The following COX7B2 variants were observed in gnomAD, a reference collection of about 807,000 sequenced individuals.
The protein encoded by COX7B2 is cytochrome c oxidase subunit 7B2.
For synonymous variants in COX7B2, 37 were observed against 32.1 expected, an observed-to-expected ratio of 1.15 and a Z score of -0.51; for missense variants, 109 against 95.9, an observed-to-expected ratio of 1.14 and a Z score of -0.57.
At chr4:46,836,647 T>G (rs556818053) in intron 2 of COX7B2, among the ~76,000 whole-genome samples, 1 of 151,778 alleles carries the variant, frequency 6.6e-6, no homozygotes, top group Non-Finnish European at 1.5e-5. Context: ...CATAGTAGAG[T>G]GAACATATAA....
At chr4:46,754,728 G>GTGTATATATATATATATATATATGTATA (rs1333586285) in intron 2 of COX7B2, among the ~76,000 whole-genome samples, 1 of 39,866 alleles carries the variant, frequency 2.5e-5, no homozygotes, top group Admixed American at 4.5e-4. Flanking sequence ...GTGTGTGTGT[G>GTGTATATATATATATATATATATGTATA]TATATATATA....
intron 2 of COX7B2, among the ~76,000 whole-genome samples, chr4:46,815,705 T>C (rs1250013772): frequency 6.6e-6 from 1 of 152,238 alleles, no homozygotes; most frequent in Non-Finnish European, 1.5e-5. Flanking sequence ...GGGGAATATG[T>C]AATCCTTTTA....
intron 2 of COX7B2, among the ~76,000 whole-genome samples, chr4:46,840,956 T>C (rs978609126): frequency 6.6e-6 from 1 of 151,964 alleles, no homozygotes; most frequent in African/African-American, 2.4e-5. Flanking sequence ...GTCACTGACA[T>C]ACGGAGTTGG....
chr4:46,898,686 A>G (rs1335930054), intron 1 of COX7B2, among the ~76,000 whole-genome samples: 1 of 152,074 alleles, frequency 6.6e-6, no homozygotes, highest in Non-Finnish European at 1.5e-5. Flanking sequence ...CACCCTCCCA[A>G]AATGCTGGGA....
chr4:46,867,698 A>T (rs1343217254), intron 1 of COX7B2, among the ~76,000 whole-genome samples: 2 of 152,346 alleles, frequency 1.3e-5, no homozygotes, highest in Middle Eastern at 3.4e-3. Flanking sequence ...GCTTATGCTG[A>T]ACCAACATTG....
intron 1 of COX7B2, among the ~76,000 whole-genome samples, chr4:46,901,727 G>C (rs1720081284): frequency 1.3e-5 from 2 of 152,210 alleles, no homozygotes; most frequent in African/African-American, 4.8e-5. Flanking sequence ...AAATGGCAGA[G>C]AAGGGTGAGC....
intron 1 of COX7B2, among the ~76,000 whole-genome samples, chr4:46,858,198 A>C (rs561956359): frequency 3.3e-5 from 5 of 152,016 alleles, no homozygotes; most frequent in Admixed American, 3.3e-4. Flanking sequence ...GGTTCAAGAG[A>C]TTCTCCCACC....
At chr4:46,815,753 G>C (rs576390535) in intron 2 of COX7B2, among the ~76,000 whole-genome samples, 2 of 152,078 alleles carry the variant, frequency 1.3e-5, no homozygotes, top group Non-Finnish European at 2.9e-5. Context: ...AGTGTTATTT[G>C]AACAAAGGAT....
intron 2 of COX7B2, among the ~76,000 whole-genome samples, chr4:46,782,474 C>G (rs942704781): frequency 6.6e-6 from 1 of 152,134 alleles, no homozygotes; most frequent in African/African-American, 2.4e-5. Flanking sequence ...GTAAATGCAC[C>G]AATCAGCTCT....
chr4:46,834,050 CA>C (rs1264278661), intron 2 of COX7B2, among the ~76,000 whole-genome samples: 2 of 152,038 alleles, frequency 1.3e-5, no homozygotes, highest in Non-Finnish European at 2.9e-5. Flanking sequence ...ATTAAATCAA[CA>C]ACAACAAAAT....
At chr4:46,788,437 A>G (rs974975081) in intron 2 of COX7B2, among the ~76,000 whole-genome samples, 1 of 152,166 alleles carries the variant, frequency 6.6e-6, no homozygotes, top group African/African-American at 2.4e-5. Flanking sequence ...ATATTTTTTA[A>G]CAGCTAGGGG....
chr4:46,822,818 C>G (rs902558265), intron 2 of COX7B2, among the ~76,000 whole-genome samples: 6 of 151,932 alleles, frequency 3.9e-5, no homozygotes, highest in African/African-American at 1.2e-4. Context: ...TATTCCAATA[C>G]ATAAAAAATA....
At chr4:46,891,297 G>A (rs1026903550) in intron 1 of COX7B2, among the ~76,000 whole-genome samples, 6 of 152,142 alleles carry the variant, frequency 3.9e-5, no homozygotes, top group Admixed American at 2.0e-4. Context: ...AATAGAACCT[G>A]GGGAATCTTC....
At chr4:46,747,899 T>C (rs934161070) in intron 2 of COX7B2, among the ~76,000 whole-genome samples, 6 of 151,470 alleles carry the variant, frequency 4.0e-5, no homozygotes, top group Admixed American at 2.0e-4. Flanking sequence ...TAATAGCCGA[T>C]ATGCCTCACA....
At chr4:46,872,193 CTAT>C (rs1718035179) in intron 1 of COX7B2, among the ~76,000 whole-genome samples, 2 of 152,116 alleles carry the variant, frequency 1.3e-5, no homozygotes, top group Admixed American at 6.5e-5. Flanking sequence ...GAGCTGGAGG[CTAT>C]TATCCTCATA....
At chr4:46,762,044 G>A (rs1391771430) in intron 2 of COX7B2, among the ~76,000 whole-genome samples, 1 of 150,788 alleles carries the variant, frequency 6.6e-6, no homozygotes, top group Non-Finnish European at 1.5e-5. Context: ...ATGTGACCTT[G>A]AGCAGGGTGC....
chr4:46,762,466 T>TATA (rs1431206538), intron 2 of COX7B2, among the ~76,000 whole-genome samples: 1 of 125,792 alleles, frequency 7.9e-6, no homozygotes, highest in East Asian at 2.4e-4. Context: ...ATATAGTATA[T>TATA]GTACTATATA....
At chr4:46,736,155 G>T (rs983457967) in intron 2 of COX7B2, among the ~76,000 whole-genome samples, 2 of 152,242 alleles carry the variant, frequency 1.3e-5, no homozygotes, top group East Asian at 1.9e-4. Flanking sequence ...GCCCTAAAAA[G>T]CCCTCTGTGC....
chr4:46,837,274 T>TAC (rs33927124), intron 2 of COX7B2, among the ~76,000 whole-genome samples: 21,410 of 133,170 alleles, frequency 0.16, 1,594 homozygotes, highest in Middle Eastern at 0.2. Flanking sequence ...CACAAAGACA[T>TAC]ACACACACAC....
Sources: allele counts gnomAD v4.1 joint callset (sites outside exome capture counted in the v4.1 genomes callset), GRCh38; gene constraint gnomAD v4.1.1; transcripts MANE v1.5; gene names NCBI Gene and HGNC (gene_info 2026-07-23, HGNC 2026-07-21).